The following DLG2 variants were observed in gnomAD, a reference collection of about 807,000 sequenced individuals.
DLG2 encodes the protein disks large homolog 2.
Under a neutral mutation model 132.5 loss-of-function variants are expected in DLG2, and 45 were observed. The observed-to-expected ratio is 0.34, with a 90% CI of 0.27 to 0.44. DLG2 has a LOEUF of 0.44. Among genes scored for constraint, DLG2 ranks in the 20% least tolerant of loss-of-function variants. DLG2 has a pLI of 1.00. For missense variants in DLG2, 1,045 were observed against 1,196.9 expected, an observed-to-expected ratio of 0.87 and a Z score of 1.87; for synonymous variants, 424 against 419.6, an observed-to-expected ratio of 1.01 and a Z score of -0.13.
At chr11:85,472,006 C>A (rs539875729) in intron 3 of DLG2, among the ~76,000 whole-genome samples, 48 of 152,230 alleles carry the variant, frequency 3.2e-4, no homozygotes, top group African/African-American at 1.1e-3. Context: ...AGGAGGCAGA[C>A]AAATTCCTAG....
rs557256366 is a variant in DLG2 at position 84,562,464 on chromosome 11, C to T, written c.358-27733G>A. Among the ~76,000 whole-genome samples, 136 of 152,206 alleles carry T rather than the reference C, an allele frequency of 8.9e-4. 1 individual carries two copies. Among genetic ancestry groups the T allele is most frequent in the Non-Finnish European group, 1.7e-3 (118 of 67,990 alleles). ...TTGCCTCATCTGCAAGTGCTCTCTC[C>T]CTTGACATTTTATCTCTAAATGCTT... On this transcript the variant is annotated intron_variant, in intron 6 of 27. Coordinates refer to ENST00000376104, the MANE Select transcript of DLG2 (RefSeq NM_001142699.3).
intron 6 of DLG2, among the ~76,000 whole-genome samples, chr11:84,779,504 C>T (rs1308693480): frequency 6.6e-6 from 1 of 152,032 alleles, no homozygotes; most frequent in Non-Finnish European, 1.5e-5. Flanking sequence ...ATATCATCAG[C>T]AAACAGGAAT....
At chr11:84,641,587 T>C (rs927438281) in intron 6 of DLG2, among the ~76,000 whole-genome samples, 4 of 152,102 alleles carry the variant, frequency 2.6e-5, no homozygotes, top group African/African-American at 9.7e-5. Context: ...TAGCCTGGAT[T>C]TGACCTATCT....
intron 6 of DLG2, among the ~76,000 whole-genome samples, chr11:84,559,215 T>C (rs896388566): frequency 6.6e-6 from 1 of 152,144 alleles, no homozygotes; most frequent in East Asian, 1.9e-4. Context: ...CCTGAACTTT[T>C]ATCTATTATT....
intron 3 of DLG2, among the ~76,000 whole-genome samples, chr11:85,502,745 C>A (rs761884846): frequency 1.3e-5 from 2 of 152,192 alleles, no homozygotes; most frequent in Admixed American, 1.3e-4. Flanking sequence ...TGCGGCAAAC[C>A]ACCATGGCAC....
intron 7 of DLG2, among the ~76,000 whole-genome samples, chr11:84,478,688 CAG>C (rs1272740539): frequency 6.6e-6 from 1 of 151,938 alleles, no homozygotes; most frequent in African/African-American, 2.4e-5. Context: ...CTTACAGAAC[CAG>C]AGTTAATGCC....
At chr11:83,896,950 A>ATT (rs5793091) in intron 15 of DLG2, among the ~76,000 whole-genome samples, 1 of 151,848 alleles carries the variant, frequency 6.6e-6, no homozygotes, top group African/African-American at 2.4e-5. Flanking sequence ...GCAGTGTTGT[A>ATT]TTTTTTAAGC....
chr11:84,958,215 A>G (rs746975786), intron 6 of DLG2, among the ~76,000 whole-genome samples: 2 of 152,120 alleles, frequency 1.3e-5, no homozygotes, highest in East Asian at 1.9e-4. Context: ...TTATTCATAT[A>G]TATTTCCTGC....
chr11:84,597,169 G>A (rs544454886), intron 6 of DLG2, among the ~76,000 whole-genome samples: 4 of 152,128 alleles, frequency 2.6e-5, no homozygotes, highest in African/African-American at 9.6e-5. Flanking sequence ...GCAGTAAGCC[G>A]AGATTGCGCC....
intron 16 of DLG2, among the ~76,000 whole-genome samples, chr11:83,851,813 A>G (rs1376845632): frequency 1.3e-5 from 2 of 150,216 alleles, no homozygotes; most frequent in South Asian, 2.1e-4. Context: ...CCAGCTACTC[A>G]GGAGGCTGAG....
chr11:83,864,103 A>G lies in DLG2; in HGVS notation c.1565+10317T>C, dbSNP rs1001871616. The stretch of plus-strand genomic sequence containing the variant: ...AGGAGAAAAAAATTCCCAACTCTTG[A>G]TATCAGCCCATGTAAGCATGCAACT... On this transcript the variant is annotated intron_variant, in intron 16 of 27. Transcript: ENST00000376104. Among the ~76,000 whole-genome samples the G allele has an allele frequency of 8.5e-5, 13 of 152,312 alleles. No homozygotes were observed. In the East Asian group the frequency reaches 2.5e-3, roughly 29 times the overall value.
At chr11:84,036,375 G>A (rs2095863318) in intron 11 of DLG2, among the ~76,000 whole-genome samples, 1 of 151,330 alleles carries the variant, frequency 6.6e-6, no homozygotes. Context: ...GCTAGGGCTT[G>A]AGAAACAAGG....
At chr11:84,989,941 C>A (rs181882747) in intron 6 of DLG2, among the ~76,000 whole-genome samples, 1 of 152,254 alleles carries the variant, frequency 6.6e-6, no homozygotes, top group East Asian at 1.9e-4. Flanking sequence ...ACATCTAAAC[C>A]TAGCATTAGG....
intron 2 of DLG2, among the ~76,000 whole-genome samples, chr11:85,622,249 TATTTTGGTTTCC>T (rs1187257433): frequency 2.6e-5 from 4 of 152,170 alleles, no homozygotes; most frequent in Non-Finnish European, 4.4e-5. Flanking sequence ...ATACAACAAA[TATTTTGGTTTCC>T]CAGTGCATAT....
intron 3 of DLG2, among the ~76,000 whole-genome samples, chr11:85,493,427 C>A (rs185932): frequency 0.79 from 119,448 of 152,044 alleles, 48,694 homozygotes; most frequent in Non-Finnish European, 0.91. Flanking sequence ...AAGAGGACTT[C>A]TTTGACCTCA....
chr11:85,116,441 ACAT>A (rs1349850935), intron 5 of DLG2, among the ~76,000 whole-genome samples: 2 of 151,956 alleles, frequency 1.3e-5, no homozygotes, highest in Non-Finnish European at 2.9e-5. Context: ...ATCTACATAC[ACAT>A]CATGTGTTCA....
intron 7 of DLG2, among the ~76,000 whole-genome samples, chr11:84,426,518 G>A (rs980161140): frequency 2.0e-5 from 3 of 152,064 alleles, no homozygotes; most frequent in Admixed American, 2.0e-4. Flanking sequence ...ATAGTACTTT[G>A]CATATAGGGC....
intron 7 of DLG2, among the ~76,000 whole-genome samples, chr11:84,369,136 A>T (rs536178442): frequency 5.5e-4 from 83 of 152,220 alleles, no homozygotes; most frequent in South Asian, 3.7e-3. Context: ...TGTTTTATAC[A>T]TTACCTTATA....
chr11:85,219,025 G>A (rs1468721119), intron 4 of DLG2, among the ~76,000 whole-genome samples: 1 of 152,076 alleles, frequency 6.6e-6, no homozygotes, highest in African/African-American at 2.4e-5. Flanking sequence ...GCTAAACACT[G>A]AGCACACATT....
Sources: allele counts gnomAD v4.1 joint callset (sites outside exome capture counted in the v4.1 genomes callset), GRCh38; gene constraint gnomAD v4.1.1; transcripts MANE v1.5; gene names NCBI Gene and HGNC (gene_info 2026-07-23, HGNC 2026-07-21).